NME7: variants seen among roughly 807,000 people sequenced by gnomAD.
NME7 encodes the protein NME/NM23 family member 7.
NME7 carries 41 observed loss-of-function variants against 49.1 expected under a neutral mutation model. The ratio of observed to expected loss-of-function variants is 0.83; its 90% CI spans 0.65 to 1.08. The LOEUF is 1.08. Among genes scored for constraint, NME7 ranks in the 50% least tolerant of loss-of-function variants. NME7 has a pLI of 0.00. For missense variants in NME7, 423 were observed against 463.4 expected (o/e 0.91, Z 0.80); for synonymous variants, 139 against 150.6 (o/e 0.92, Z 0.56).
At chr1:169,207,866 G>C (rs1660715434) in intron 10 of NME7, among the ~76,000 whole-genome samples, 1 of 152,070 alleles carries the variant, frequency 6.6e-6, no homozygotes, top group Non-Finnish European at 1.5e-5. Context: ...GATTTATGGA[G>C]TCCTGTTTAT....
At chr1:169,285,799 T>C (rs34417084) in intron 7 of NME7, 1 of 152,178 alleles carries the variant, frequency 6.6e-6, no homozygotes, top group East Asian at 1.9e-4. Context: ...ATAATCATGG[T>C]CCTAAGGATT....
At chr1:169,360,556 C>A (rs1653617359) in intron 1 of NME7, among the ~76,000 whole-genome samples, 1 of 152,192 alleles carries the variant, frequency 6.6e-6, no homozygotes, top group African/African-American at 2.4e-5. Context: ...CTCTTCTCCT[C>A]CAGCTGTCCT....
intron 1 of NME7, among the ~76,000 whole-genome samples, chr1:169,325,294 G>A (rs900839792): frequency 6.6e-6 from 1 of 151,822 alleles, no homozygotes; most frequent in African/African-American, 2.4e-5. Context: ...GACAGGGAGG[G>A]GCCAGCTTTA....
At chr1:169,159,573 A>T (rs1009995291) in intron 11 of NME7, among the ~76,000 whole-genome samples, 5 of 152,094 alleles carry the variant, frequency 3.3e-5, no homozygotes, top group Non-Finnish European at 5.9e-5. Flanking sequence ...CCCAATCTCT[A>T]ACTATTCCTA....
intron 7 of NME7, among the ~76,000 whole-genome samples, chr1:169,246,045 G>A (rs1274181686): frequency 1.3e-5 from 2 of 152,022 alleles, no homozygotes; most frequent in Non-Finnish European, 2.9e-5. Context: ...CTTGCAATAA[G>A]GAAAAATATT....
intron 3 of NME7, among the ~76,000 whole-genome samples, chr1:169,311,865 T>C (rs936589274): frequency 6.6e-6 from 1 of 152,238 alleles, no homozygotes; most frequent in African/African-American, 2.4e-5. Flanking sequence ...GGATTGACTA[T>C]GTGATAAATA....
chr1:169,153,458 C>T (rs528215663), intron 11 of NME7, among the ~76,000 whole-genome samples: 2 of 152,170 alleles, frequency 1.3e-5, no homozygotes, highest in South Asian at 2.1e-4. Context: ...TGTTCTTTTT[C>T]TGTGTGTATA....
chr1:169,337,769 T>G, intron 1 of NME7, among the ~76,000 whole-genome samples: 1 of 152,244 alleles, frequency 6.6e-6, no homozygotes, highest in East Asian at 1.9e-4. Flanking sequence ...AGGTTTATAT[T>G]ATCCCATTGT....
Position 169,191,243 on chromosome 1 carries a change from GA to G in NME7, c.991-21690del, listed in dbSNP as rs558882321. ...ACCCTTAACGTGTTTTCTATTTGGG[GA>G]TATAAAGCGAATCAACAATGCACTC... On this transcript the variant is annotated intron_variant, in intron 10 of 11. Coordinates refer to ENST00000367811, the MANE Select transcript of NME7 (RefSeq NM_013330.5). Among the ~76,000 whole-genome samples the G allele has an allele frequency of 1.5e-4, 23 of 152,284 alleles. No homozygotes were observed. The East Asian group carries it at 3.7e-3, about 24-fold the overall frequency.
intron 11 of NME7, among the ~76,000 whole-genome samples, chr1:169,148,094 C>T (rs1571243059): frequency 6.6e-6 from 1 of 152,088 alleles, no homozygotes; most frequent in South Asian, 2.1e-4. Flanking sequence ...CCTCCACCTC[C>T]TGGGTTTAAG....
At chr1:169,170,714 AG>A (rs1659559869) in intron 10 of NME7, among the ~76,000 whole-genome samples, 1 of 152,170 alleles carries the variant, frequency 6.6e-6, no homozygotes, top group African/African-American at 2.4e-5. Flanking sequence ...CAGGAGTTCG[AG>A]ACCAGCCTGG....
intron 6 of NME7, among the ~76,000 whole-genome samples, chr1:169,293,404 A>C (rs2101901451): frequency 6.6e-6 from 1 of 152,244 alleles, no homozygotes; most frequent in African/African-American, 2.4e-5. Flanking sequence ...TTAAGAAGTT[A>C]ATTTACACTT....
intron 10 of NME7, among the ~76,000 whole-genome samples, chr1:169,174,100 C>T (rs1659680978): frequency 6.6e-6 from 1 of 152,130 alleles, no homozygotes; most frequent in African/African-American, 2.4e-5. Context: ...ACTAAAAATT[C>T]TGCTCAGGTA....
intron 11 of NME7, among the ~76,000 whole-genome samples, chr1:169,146,070 A>G (rs935991924): frequency 1.9e-4 from 29 of 152,278 alleles, no homozygotes; most frequent in African/African-American, 6.5e-4. Context: ...CAATTTTTCA[A>G]TCTTCATCCT....
chr1:169,157,064 T>C (rs1381144475), intron 11 of NME7, among the ~76,000 whole-genome samples: 1 of 152,208 alleles, frequency 6.6e-6, no homozygotes, highest in Non-Finnish European at 1.5e-5. Flanking sequence ...TGATACATAA[T>C]AATTGTTCAC....
intron 7 of NME7, among the ~76,000 whole-genome samples, chr1:169,243,401 C>G (rs752956900): frequency 6.6e-6 from 1 of 152,168 alleles, no homozygotes; most frequent in African/African-American, 2.4e-5. Context: ...TTTGGGGAAA[C>G]AGCTAGTTTT....
At chr1:169,301,369 T>G (rs1359183424) in intron 5 of NME7, among the ~76,000 whole-genome samples, 6 of 152,002 alleles carry the variant, frequency 3.9e-5, no homozygotes, top group Non-Finnish European at 8.8e-5. Context: ...AAAACCACAA[T>G]GAGATACCAT....
intron 11 of NME7, among the ~76,000 whole-genome samples, chr1:169,164,759 T>C (rs912433298): frequency 6.6e-6 from 1 of 152,194 alleles, no homozygotes; most frequent in African/African-American, 2.4e-5. Context: ...GCAGATAACT[T>C]TCCATTTTGT....
intron 10 of NME7, among the ~76,000 whole-genome samples, chr1:169,172,680 AGT>A (rs1211078364): frequency 1.3e-5 from 2 of 152,176 alleles, no homozygotes; most frequent in Non-Finnish European, 2.9e-5. Context: ...TAAACTCCCC[AGT>A]GTGGCATTCA....
Sources: gnomAD v4.1 joint callset for allele counts (sites outside exome capture counted in the v4.1 genomes callset) on GRCh38, gnomAD v4.1.1 for gene constraint, MANE v1.5 for transcripts, NCBI Gene and HGNC (gene_info 2026-07-23, HGNC 2026-07-21) for gene names.